PDE1A: variants seen among roughly 807,000 people sequenced by gnomAD.
PDE1A encodes the protein dual specificity calcium/calmodulin-dependent 3',5'-cyclic nucleotide phosphodiesterase 1A.
PDE1A carries 35 observed loss-of-function variants against 61.7 expected under a neutral mutation model. That is an observed-to-expected ratio of 0.57 (90% CI 0.43 to 0.75). The LOEUF is 0.75. Among genes scored for constraint, PDE1A ranks in the 30% least tolerant of loss-of-function variants. PDE1A has a pLI of 0.00. For missense variants in PDE1A, 597 were observed against 630.6 expected (o/e 0.95, Z 0.57); for synonymous variants, 232 against 213.2 (o/e 1.09, Z -0.77).
At chr2:182,527,325 AAAATATATATATATATATATATATAT>A (rs1690790646), upstream of PDE1A, among the ~76,000 whole-genome samples, 7 of 38,132 alleles carry the variant, frequency 1.8e-4, no homozygotes, top group African/African-American at 7.4e-4. Context: ...AAAAAAAAAA[AAAATATATATATATATATATATATAT>A]ATATATATAT....
At chr2:182,256,235 C>A (rs1214276548) in intron 2 of PDE1A, among the ~76,000 whole-genome samples, 1 of 122,756 alleles carries the variant, frequency 8.1e-6, no homozygotes, top group Non-Finnish European at 1.7e-5. Flanking sequence ...TCCCTCCCCC[C>A]TCCCCCAACC....
At chr2:182,149,729 T>C (rs1690679035) in intron 13 of PDE1A, among the ~76,000 whole-genome samples, 1 of 152,102 alleles carries the variant, frequency 6.6e-6, no homozygotes, top group Admixed American at 6.6e-5. Context: ...AGGAAACAAT[T>C]TGCATTTTCA....
At chr2:182,256,062 G>GTTTATTTTTCT (rs1406255401) in intron 2 of PDE1A, among the ~76,000 whole-genome samples, 1 of 87,990 alleles carries the variant, frequency 1.1e-5, no homozygotes, top group Admixed American at 1.2e-4. Context: ...TTTTTTTCTT[G>GTTTATTTTTCT]TTTATTTTTC....
chr2:182,204,754 G>C (rs1394942370), intron 8 of PDE1A, among the ~76,000 whole-genome samples: 1 of 152,186 alleles, frequency 6.6e-6, no homozygotes, highest in African/African-American at 2.4e-5. Context: ...GTGTCAAAAG[G>C]TATACATGGG....
At chr2:182,190,748 G>A (rs895757288) in intron 10 of PDE1A, among the ~76,000 whole-genome samples, 17 of 152,060 alleles carry the variant, frequency 1.1e-4, no homozygotes, top group Admixed American at 7.2e-4. Flanking sequence ...ACGAAGTCAG[G>A]AGATTGAGAC....
chr2:182,150,979 A>T (rs1690746607), intron 13 of PDE1A, among the ~76,000 whole-genome samples: 1 of 152,172 alleles, frequency 6.6e-6, no homozygotes, highest in South Asian at 2.1e-4. Flanking sequence ...ATTATTATAC[A>T]ATTGAAAATA....
At chr2:182,283,366 A>G (rs951198301) in intron 1 of PDE1A, among the ~76,000 whole-genome samples, 13 of 151,932 alleles carry the variant, frequency 8.6e-5, no homozygotes, top group African/African-American at 2.7e-4. Context: ...CACCTTATCA[A>G]TATGAGAACA....
At chr2:182,206,135 T>G (rs1687082286) in intron 7 of PDE1A, 70 bp from the exon 8 acceptor site, 1 of 1,229,284 alleles carries the variant, frequency 8.1e-7, no homozygotes, top group African/African-American at 1.5e-5. Flanking sequence ...TAAGACTTAC[T>G]CAAGTATCAA....
intron 6 of PDE1A, among the ~76,000 whole-genome samples, chr2:182,224,374 G>GA (rs1002507606): frequency 1.3e-5 from 2 of 151,506 alleles, no homozygotes; most frequent in African/African-American, 4.8e-5. Flanking sequence ...AATCTACTAT[G>GA]AAAAAAAATT....
At chr2:182,588,869 C>A in the PDE1A span, among the ~76,000 whole-genome samples, 1 of 151,744 alleles carries the variant, frequency 6.6e-6, no homozygotes, top group Admixed American at 6.6e-5. Context: ...CATGGTGAAA[C>A]CCCATCTTTA....
chr2:182,426,275 C>A (rs1703617622), intron 1 of PDE1A, among the ~76,000 whole-genome samples: 1 of 152,228 alleles, frequency 6.6e-6, no homozygotes, highest in Admixed American at 6.5e-5. Flanking sequence ...GAGGGCTGTG[C>A]AACAGCCTAC....
At chr2:182,678,794 C>T in the PDE1A span, among the ~76,000 whole-genome samples, 6 of 151,748 alleles carry the variant, frequency 4.0e-5, no homozygotes, top group Non-Finnish European at 7.4e-5. Context: ...CCAGAGGCTG[C>T]GAAGAGGAGG....
intron 2 of PDE1A, among the ~76,000 whole-genome samples, chr2:182,518,893 G>A (rs1336202961): frequency 6.6e-6 from 1 of 151,890 alleles, no homozygotes; most frequent in Non-Finnish European, 1.5e-5. Flanking sequence ...TTATAGCAAT[G>A]TCACTAACTG....
intron 2 of PDE1A, among the ~76,000 whole-genome samples, chr2:182,434,556 A>G (rs1328662048): frequency 6.6e-6 from 1 of 151,872 alleles, no homozygotes; most frequent in Non-Finnish European, 1.5e-5. Context: ...TTTTTTCCTG[A>G]AAGGGCCTTA....
intron 1 of PDE1A, among the ~76,000 whole-genome samples, chr2:182,323,885 T>A (rs1696872690): frequency 6.6e-6 from 1 of 152,082 alleles, no homozygotes; most frequent in Admixed American, 6.5e-5. Context: ...TGCCACACCA[T>A]CCAAGGCACA....
chr2:182,471,964 A>G (rs181630568), intron 2 of PDE1A, among the ~76,000 whole-genome samples: 1 of 152,020 alleles, frequency 6.6e-6, no homozygotes, highest in East Asian at 1.9e-4. Context: ...AAAAATGTTC[A>G]ACATCACTAA....
intron 2 of PDE1A, among the ~76,000 whole-genome samples, chr2:182,487,772 A>C (rs778268337): frequency 6.6e-5 from 10 of 152,156 alleles, no homozygotes; most frequent in Non-Finnish European, 1.5e-4. Flanking sequence ...TAAAAGGATA[A>C]ATTTTATGAT....
At chr2:182,624,565 A>G in the PDE1A span, among the ~76,000 whole-genome samples, 2 of 152,160 alleles carry the variant, frequency 1.3e-5, no homozygotes, top group Non-Finnish European at 2.9e-5. Flanking sequence ...ACCAACCCCT[A>G]ATGAAAGCTG....
At chr2:182,181,110 T>C (rs1684722468) in intron 13 of PDE1A, among the ~76,000 whole-genome samples, 1 of 152,124 alleles carries the variant, frequency 6.6e-6, no homozygotes, top group South Asian at 2.1e-4. Flanking sequence ...TCTCATTCTC[T>C]GTCCAGTCCT....
Sources: allele counts gnomAD v4.1 joint callset (sites outside exome capture counted in the v4.1 genomes callset), GRCh38; gene constraint gnomAD v4.1.1; transcripts MANE v1.5; gene names NCBI Gene and HGNC (gene_info 2026-07-23, HGNC 2026-07-21).